The following RBFOX3 variants were observed in gnomAD, a reference collection of about 807,000 sequenced individuals.
RBFOX3 encodes RNA binding protein fox-1 homolog 3.
A neutral mutation model predicts 48.7 loss-of-function variants in RBFOX3; 17 were observed. That is an observed-to-expected ratio of 0.35 (90% CI 0.24 to 0.52). The LOEUF (loss-of-function observed/expected upper bound fraction) is 0.52. RBFOX3 is among the 20% of genes least tolerant of loss of function. The probability of loss-of-function intolerance (pLI) is 0.94; values close to 1 mark genes in which losing one functional copy is unlikely to be tolerated. For synonymous variants in RBFOX3, 212 were observed against 209.5 expected (o/e 1.01, Z -0.10); for missense variants, 382 against 497.5 (o/e 0.77, Z 2.21).
At chr17:79,450,429 C>T (rs2073261642) in intron 2 of RBFOX3, among the ~76,000 whole-genome samples, 1 of 152,094 alleles carries the variant, frequency 6.6e-6, no homozygotes, top group Non-Finnish European at 1.5e-5. Context: ...GGTATTGGCA[C>T]AGATGTCCCC....
chr17:79,558,032 C>T, intron 1 of RBFOX3, among the ~76,000 whole-genome samples: 1 of 152,260 alleles, frequency 6.6e-6, no homozygotes, highest in South Asian at 2.1e-4. Context: ...AAAAAGCAGC[C>T]TGAAACTGCT....
At chr17:79,622,280 C>T in the RBFOX3 span, among the ~76,000 whole-genome samples, 67 of 152,310 alleles carry the variant, frequency 4.4e-4, no homozygotes, top group African/African-American at 1.5e-3. Context: ...GTGGCAGGAC[C>T]GAGCCCCCTC....
At chr17:79,316,464 C>G (rs1161556759) in intron 2 of RBFOX3, among the ~76,000 whole-genome samples, 1 of 152,200 alleles carries the variant, frequency 6.6e-6, no homozygotes, top group African/African-American at 2.4e-5. Flanking sequence ...ACCTCTGCTC[C>G]CAGCCAGGGA....
intron 2 of RBFOX3, among the ~76,000 whole-genome samples, chr17:79,382,454 C>T (rs928214674): frequency 5.3e-5 from 8 of 152,198 alleles, no homozygotes; most frequent in African/African-American, 9.7e-5. Flanking sequence ...CTGTGTTGGG[C>T]GGCACGTGGT....
the RBFOX3 span, among the ~76,000 whole-genome samples, chr17:79,646,108 C>A: frequency 6.6e-6 from 1 of 152,172 alleles, no homozygotes; most frequent in South Asian, 2.1e-4. Context: ...ACCCCCAACC[C>A]CCAGCCACTC....
At chr17:79,501,220 T>G (rs1293821639) in intron 1 of RBFOX3, among the ~76,000 whole-genome samples, 2 of 152,060 alleles carry the variant, frequency 1.3e-5, no homozygotes, top group Admixed American at 6.5e-5. Context: ...AGTAATGAGG[T>G]TGGTTGAGCA....
Position 79,237,665 on chromosome 17 carries a change from C to T in RBFOX3, c.-73-1860G>A, listed in dbSNP as rs542328153. Among the ~76,000 whole-genome samples, 203 of 152,330 alleles carry T rather than the reference C, an allele frequency of 1.3e-3. 3 individuals carry two copies. In the South Asian group the frequency reaches 0.014, roughly 11 times the overall value. On this transcript the variant is annotated intron_variant, in intron 3 of 14. Coordinates refer to ENST00000693108, the MANE Select transcript of RBFOX3 (RefSeq NM_001350451.2). ...ACTTCATAGGCGGGCCCCTCCCAGCCGCATCAGGGAGGGCTATGGGCCAAG... is the reference window on the plus strand; with the variant it reads ...ACTTCATAGGCGGGCCCCTCCCAGCTGCATCAGGGAGGGCTATGGGCCAAG...
chr17:79,579,733 G>A (rs907421273), intron 1 of RBFOX3, among the ~76,000 whole-genome samples: 51 of 148,454 alleles, frequency 3.4e-4, no homozygotes, highest in East Asian at 1.8e-3. Context: ...CACTGGCGCC[G>A]TGGTGGGGAG....
At chr17:79,541,469 A>AG (rs1405378178) in intron 1 of RBFOX3, among the ~76,000 whole-genome samples, 2 of 152,234 alleles carry the variant, frequency 1.3e-5, no homozygotes, top group Admixed American at 1.3e-4. Flanking sequence ...ACAAAGTACT[A>AG]GAGGCGCCTG....
chr17:79,137,286 G>A (rs545351073), intron 4 of RBFOX3, among the ~76,000 whole-genome samples: 10 of 151,712 alleles, frequency 6.6e-5, no homozygotes, highest in Non-Finnish European at 1.3e-4. Flanking sequence ...CACAAGACAT[G>A]CAGTCCCTGT....
intron 2 of RBFOX3, among the ~76,000 whole-genome samples, chr17:79,398,652 T>C (rs1270847388): frequency 1.3e-5 from 2 of 152,180 alleles, no homozygotes; most frequent in Admixed American, 6.5e-5. Flanking sequence ...TGGGCGACGA[T>C]GCGGCTCCCA....
chr17:79,100,812 G>A (rs187557552), intron 9 of RBFOX3, among the ~76,000 whole-genome samples: 2 of 152,196 alleles, frequency 1.3e-5, no homozygotes, highest in African/African-American at 4.8e-5. Context: ...TGGTCCCCCT[G>A]CTTCTCCAGA....
rs147939580 is a variant in RBFOX3, at chr17:79,118,247, C to G, written c.-33-2499G>C. 8.5e-3 allele frequency among the ~76,000 whole-genome samples: 1,299 copies of G among 152,326 alleles called. 18 individuals are homozygous for G. Among genetic ancestry groups the G allele is most frequent in the African/African-American group, 0.03 (1,245 of 41,568 alleles). ...CACAAAGCCAGCTGGCTCCTTCCCTCTCTCTGCAGACTCTGAAACTGGGGC... is the reference window on the plus strand; with the variant it reads ...CACAAAGCCAGCTGGCTCCTTCCCTGTCTCTGCAGACTCTGAAACTGGGGC... On this transcript the variant is annotated intron_variant, in intron 4 of 14. Transcript: ENST00000693108.
At chr17:79,578,975 G>A (rs1483329639) in intron 1 of RBFOX3, among the ~76,000 whole-genome samples, 1 of 152,334 alleles carries the variant, frequency 6.6e-6, no homozygotes, top group African/African-American at 2.4e-5. Context: ...TTGACTCAGG[G>A]TGGCTGCACT....
chr17:79,653,883 CAAAAAAA>C, the RBFOX3 span, among the ~76,000 whole-genome samples: 1 of 66,574 alleles, frequency 1.5e-5, no homozygotes, highest in Non-Finnish European at 3.4e-5. Context: ...TCTCTACCAC[CAAAAAAA>C]AAAAAAAAAA....
intron 4 of RBFOX3, among the ~76,000 whole-genome samples, chr17:79,229,029 A>C (rs1283408673): frequency 3.0e-5 from 1 of 33,482 alleles, no homozygotes; most frequent in Non-Finnish European, 6.4e-5. Context: ...GGAGTTCAAG[A>C]CCAGCTGGCC....
At chr17:79,357,388 G>A (rs2085363156) in intron 2 of RBFOX3, among the ~76,000 whole-genome samples, 1 of 152,250 alleles carries the variant, frequency 6.6e-6, no homozygotes, top group South Asian at 2.1e-4. Flanking sequence ...AGTACTTTGG[G>A]AGGCCAAGGC....
At position 79,242,601 on chromosome 17, in the gene RBFOX3, A is replaced by G; in HGVS notation, c.-73-6796T>C. ...AAGGGAGCATAGGGCAGGAGAGGGC[A>G]GGGGAGGGAATCTGGCTTATGGCTC... On this transcript the variant is annotated intron_variant, in intron 3 of 14. Transcript: ENST00000693108. This position sits in a 1 kb window ranked among gnomAD's most constrained non-coding sequence, Gnocchi z 5.8. Among the ~76,000 whole-genome samples the G allele has an allele frequency of 6.6e-6, 1 of 151,936 alleles. No homozygotes were observed. Among genetic ancestry groups the G allele is most frequent in the Admixed American group, 6.6e-5 (1 of 15,252 alleles).
At chr17:79,170,518 C>A (rs915543923) in intron 4 of RBFOX3, among the ~76,000 whole-genome samples, 16 of 152,176 alleles carry the variant, frequency 1.1e-4, no homozygotes, top group African/African-American at 3.6e-4. Context: ...CTCAAGCATC[C>A]CATCCACCAC....
Sources: allele counts gnomAD v4.1 joint callset (sites outside exome capture counted in the v4.1 genomes callset), GRCh38; gene constraint gnomAD v4.1.1; non-coding constraint Gnocchi (gnomAD v3.1); transcripts MANE v1.5; gene names NCBI Gene and HGNC (gene_info 2026-07-23, HGNC 2026-07-21).